Variants in GAN observed in about 807,000 individuals in gnomAD.
The protein encoded by GAN is gigaxonin.
In GAN, 48 loss-of-function variants were observed where a neutral mutation model predicts 71.3. That is an observed-to-expected ratio of 0.67 (90% confidence interval 0.53 to 0.86). GAN has a LOEUF of 0.86. GAN is among the 40% of genes least tolerant of loss of function. The pLI, the probability that GAN is intolerant of heterozygous loss-of-function variation, is 0.00. For synonymous variants in GAN, 386 were observed against 276.8 expected (o/e 1.39, Z -3.92); for missense variants, 928 against 770.1 (o/e 1.21, Z -2.43).
At position 81,351,700 on chromosome 16, in the gene GAN, A is replaced by G; in HGVS notation, c.282+3A>G. ...TGGATTACATCTTCAGTGGGCAGGT[A>G]TGATGAGAAACAAAGGAAGGAAGAC... On this transcript the variant is annotated splice_donor_region_variant and intron_variant, in intron 2 of 10. Transcript: ENST00000648994. 4 of 1,318,408 alleles carry G rather than the reference A, an allele frequency of 3.0e-6. No individual in the cohort carries two copies. The highest frequency in any genetic ancestry group is 4.4e-6 in the Non-Finnish European group (4 of 910,044). The allele number at this position is 1,318,408 out of a possible 1,614,324, so 81.7% of individuals were successfully genotyped here.
intron 1 of GAN, among the ~76,000 whole-genome samples, chr16:81,340,135 T>C (rs8062964): frequency 0.25 from 37,373 of 152,044 alleles, 6,817 homozygotes; most frequent in East Asian, 0.77. Flanking sequence ...GATGAGGTCT[T>C]GCTGTGTTGC....
intron 9 of GAN, among the ~76,000 whole-genome samples, chr16:81,369,694 C>T (rs1362462978): frequency 2.6e-5 from 4 of 152,166 alleles, no homozygotes; most frequent in African/African-American, 7.2e-5. Context: ...CGGGTTCACA[C>T]CATTCTCCTG....
chr16:81,383,599 A>G lies in GAN; in HGVS notation c.*6003A>G, dbSNP rs539368085. 7.9e-5 allele frequency: 12 copies of G among 151,450 alleles called. No homozygotes were observed. The highest frequency in any genetic ancestry group is 2.7e-4 in the African/African-American group (11 of 41,244). 9.4% of individuals were successfully genotyped at this position (151,450 alleles called of 1,614,324 possible). A position where few individuals can be genotyped will look rare whatever the true frequency, so the allele number is the denominator to read the frequency against. The stretch of plus-strand genomic sequence containing the variant: ...GATTAAAACTAATTCTTTTAAAGTC[A>G]CTACTCAGCTGAAATTTGGCCTGAT... On this transcript the variant is annotated 3_prime_UTR_variant, in exon 11 of 11. Coordinates refer to ENST00000648994, the MANE Select transcript of GAN (RefSeq NM_022041.4).
At chr16:81,367,876 T>A (rs373097930) in intron 9 of GAN, among the ~76,000 whole-genome samples, 1 of 152,200 alleles carries the variant, frequency 6.6e-6, no homozygotes, top group Non-Finnish European at 1.5e-5. Context: ...CCACGCTAGA[T>A]TGACTTAAAA....
intron 9 of GAN, among the ~76,000 whole-genome samples, chr16:81,369,727 G>C (rs2150694493): frequency 6.6e-6 from 1 of 152,278 alleles, no homozygotes; most frequent in Non-Finnish European, 1.5e-5. Context: ...GAGTAGCTGG[G>C]ACTACAGGCG....
chr16:81,371,044 G>T (rs1310823519), intron 9 of GAN, among the ~76,000 whole-genome samples: 1 of 152,198 alleles, frequency 6.6e-6, no homozygotes, highest in Non-Finnish European at 1.5e-5. Context: ...GATGGTTTCT[G>T]TTGCTCTGTC....
At chr16:81,325,506 T>G (rs1162112768) in intron 1 of GAN, among the ~76,000 whole-genome samples, 1 of 152,206 alleles carries the variant, frequency 6.6e-6, no homozygotes, top group Non-Finnish European at 1.5e-5. Context: ...AGATTTTTAC[T>G]TTATCATCAG....
At chr16:81,359,447 T>C (rs1597404148) in intron 5 of GAN, among the ~76,000 whole-genome samples, 1 of 150,582 alleles carries the variant, frequency 6.6e-6, no homozygotes, top group East Asian at 1.9e-4. Context: ...TGATTTTGAC[T>C]GTTTTTTTGT....
intron 1 of GAN, among the ~76,000 whole-genome samples, chr16:81,347,656 T>G (rs930159738): frequency 6.6e-6 from 1 of 152,234 alleles, no homozygotes; most frequent in Non-Finnish European, 1.5e-5. Flanking sequence ...ATTGATAGTT[T>G]GGCTGGTTAT....
At chr16:81,328,258 A>G (rs769689564) in intron 1 of GAN, among the ~76,000 whole-genome samples, 1 of 152,234 alleles carries the variant, frequency 6.6e-6, no homozygotes, top group Non-Finnish European at 1.5e-5. Flanking sequence ...ATGTATAGTT[A>G]CAGTTGAAGT....
chr16:81,350,615 G>A (rs981066988), intron 1 of GAN, among the ~76,000 whole-genome samples: 7 of 151,102 alleles, frequency 4.6e-5, no homozygotes, highest in Admixed American at 2.0e-4. Flanking sequence ...TCCCAGGTTC[G>A]AGCTATTTTT....
At chr16:81,363,104 G>A (rs1032797954) in intron 6 of GAN, among the ~76,000 whole-genome samples, 1 of 152,200 alleles carries the variant, frequency 6.6e-6, no homozygotes, top group Non-Finnish European at 1.5e-5. Context: ...ATTGACAAAC[G>A]GACATGAAAC....
At position 81,356,997 on chromosome 16, in the gene GAN, G is replaced by C. The variant is rs778114770; in HGVS notation, c.846G>C (p.Glu282Asp). ...GCATCGTGACTGTTGGTGGAGAAGA[G>C]AGAGTGTAAGTATGAGGTGGGACTT... ...SECIVTVGGE[E>D]RVSRKPTAAM... The change falls in exon 4 of 11, where the codon GAG becomes GAC. Residue 282 changes from glutamate (E) to aspartate (D), a missense_variant. Glu to Asp is a conservative substitution (Grantham distance 45). Transcript: ENST00000648994. 1.3e-5 allele frequency: 20 copies of C among 1,593,388 alleles called. No homozygotes were observed. In the African/African-American group the frequency reaches 1.9e-4, roughly 15 times the overall value.
In GAN at chr16:81,379,248, T is replaced by C. The variant is rs1166329258; in HGVS notation, c.*1652T>C. ...AGACATAAAAAAGGGTGACCTGTGA[T>C]TTTTTTTCTTATACCTGCTGGAAGT... On this transcript the variant is annotated 3_prime_UTR_variant, in exon 11 of 11. Transcript: ENST00000648994. The C allele has an allele frequency of 6.7e-6, 1 of 149,722 alleles. No individual in the cohort carries two copies. Among genetic ancestry groups the C allele is most frequent in the Non-Finnish European group, 1.5e-5 (1 of 66,438 alleles). The allele number at this position is 149,722 out of a possible 1,614,324, so 9.3% of individuals were successfully genotyped here. A position where few individuals can be genotyped will look rare whatever the true frequency, so the allele number is the denominator to read the frequency against.
At chr16:81,341,241 C>A (rs537651253) in intron 1 of GAN, among the ~76,000 whole-genome samples, 73 of 152,248 alleles carry the variant, frequency 4.8e-4, no homozygotes, top group African/African-American at 1.7e-3. Flanking sequence ...TCCAGGAGAA[C>A]TTCCCCAACC....
In GAN at chr16:81,364,902, C is replaced by T. The variant is rs185105185; in HGVS notation, c.1237-72C>T. The T allele has an allele frequency of 7.7e-6, 11 of 1,425,082 alleles. No homozygotes were observed. In the Admixed American group the frequency reaches 1.0e-4, roughly 13 times the overall value. 88.3% of individuals were successfully genotyped at this position (1,425,082 alleles called of 1,614,324 possible). ...TAAATCTCTTTAAGTATGGCCCAGA[C>T]AGTTTAATATCTGTTCACCTGACCT... On this transcript the variant is annotated intron_variant, in intron 7 of 10. Coordinates refer to ENST00000648994, the MANE Select transcript of GAN (RefSeq NM_022041.4).
At chr16:81,315,382 G>C in intron 1 of GAN, 102 bp downstream of exon 1, 1 of 792,138 alleles carries the variant, frequency 1.3e-6, no homozygotes. Context: ...CCCTGTCCCC[G>C]GCGCCGGGGT....
Position 81,351,468 on chromosome 16 carries a change from G to C in GAN, c.168-115G>C, listed in dbSNP as rs538444025. 54 of 666,782 alleles carry C rather than the reference G, an allele frequency of 8.1e-5. No homozygotes were observed. In the African/African-American group the frequency reaches 9.2e-4, roughly 11 times the overall value. The allele number at this position is 666,782 out of a possible 1,614,324, so 41.3% of individuals were successfully genotyped here. On this transcript the variant is annotated intron_variant, in intron 1 of 10. Transcript: ENST00000648994. ...TAAAGTTAACGAACTAAATTTTCTA[G>C]GTGGGGATTCATATACTGATAAGTA... is the stretch of plus-strand genomic sequence containing the variant.
chr16:81,331,317 T>G (rs1420684446), intron 1 of GAN, among the ~76,000 whole-genome samples: 1 of 152,178 alleles, frequency 6.6e-6, no homozygotes, highest in Non-Finnish European at 1.5e-5. Flanking sequence ...TGTCACTGAT[T>G]AGAGACAAGA....
Sources: allele counts gnomAD v4.1 joint callset (sites outside exome capture counted in the v4.1 genomes callset), GRCh38; gene constraint gnomAD v4.1.1; transcripts MANE v1.5; gene names NCBI Gene and HGNC (gene_info 2026-07-23, HGNC 2026-07-21).